MR1: variants seen among roughly 807,000 people sequenced by gnomAD.
The protein encoded by MR1 is major histocompatibility complex class I-related protein 1.
In MR1, 44 loss-of-function variants were observed where a neutral mutation model predicts 37.8. The observed-to-expected ratio is 1.16, with a 90% confidence interval of 0.91 to 1.50. MR1 has a LOEUF of 1.50. Ranked by LOEUF, MR1 falls within the 40% of genes most tolerant of loss-of-function variation. The pLI is 0.00. For missense variants in MR1, 386 were observed against 419.1 expected (o/e 0.92, Z 0.69); for synonymous variants, 153 against 155.8 (o/e 0.98, Z 0.13).
chr1:181,046,688 G>A (rs1245871348), intron 1 of MR1, among the ~76,000 whole-genome samples: 1 of 152,102 alleles, frequency 6.6e-6, no homozygotes, highest in Non-Finnish European at 1.5e-5. Context: ...CCACACTGTG[G>A]AAGCTTTGTT....
In MR1 at chr1:181,050,112, T is replaced by C. The variant is rs1658217061; in HGVS notation, c.430T>C (p.Phe144Leu). 2 of 1,614,086 alleles carry C rather than the reference T, an allele frequency of 1.2e-6. No homozygotes were observed. Among genetic ancestry groups the C allele is most frequent in the South Asian group, 2.2e-5 (2 of 91,092 alleles). The change falls in exon 3 of 6, where the codon TTC becomes CTC. Residue 144 changes from phenylalanine (F) to leucine (L), a missense_variant. Physicochemically the swap from Phe to Leu is conservative, Grantham distance 22 (BLOSUM62 0). Coordinates refer to ENST00000367580, the MANE Select transcript of MR1 (RefSeq NM_001385161.1). ...ATATGACGGGCAGGATTTCCTGATC[T>C]TCAATAAAGACACCCTCTCCTGGCT... ...YAYDGQDFLI[F>L]NKDTLSWLAV...
At chr1:181,053,092 AAAAC>A (rs1038085077) in intron 4 of MR1, among the ~76,000 whole-genome samples, 40 of 151,092 alleles carry the variant, frequency 2.6e-4, no homozygotes, top group African/African-American at 9.3e-4. Context: ...AAAAAACAAA[AAAAC>A]ACAACCCAGG....
At chr1:181,046,550 C>T (rs555485423) in intron 1 of MR1, among the ~76,000 whole-genome samples, 7 of 152,066 alleles carry the variant, frequency 4.6e-5, no homozygotes, top group African/African-American at 1.7e-4. Flanking sequence ...GGATGGTAAA[C>T]GCACCAATCA....
At chr1:181,054,508 TACAA>T (rs1490590858) in intron 5 of MR1, among the ~76,000 whole-genome samples, 2 of 152,206 alleles carry the variant, frequency 1.3e-5, no homozygotes, top group Non-Finnish European at 2.9e-5. Flanking sequence ...GTGATAACTG[TACAA>T]AAGCATGTTG....
intron 4 of MR1, 63 bp from the exon 5 acceptor site, chr1:181,053,510 C>A: frequency 7.7e-7 from 1 of 1,305,726 alleles, no homozygotes; most frequent in South Asian, 1.2e-5. Flanking sequence ...GACAAAAGTC[C>A]CAGAAAGTTA....
intron 5 of MR1, among the ~76,000 whole-genome samples, chr1:181,054,190 G>A (rs556741527): frequency 6.6e-6 from 1 of 152,326 alleles, no homozygotes; most frequent in Non-Finnish European, 1.5e-5. Flanking sequence ...GAAAAGGGGA[G>A]GAGAAGTAGG....
At chr1:181,036,006 T>C (rs1362298391) in intron 1 of MR1, among the ~76,000 whole-genome samples, 1 of 152,084 alleles carries the variant, frequency 6.6e-6, no homozygotes, top group East Asian at 1.9e-4. Context: ...CTAGACTCTC[T>C]TGCAAGCTGA....
intron 1 of MR1, among the ~76,000 whole-genome samples, chr1:181,044,552 C>T (rs1026612885): frequency 6.6e-5 from 10 of 152,266 alleles, no homozygotes; most frequent in South Asian, 2.1e-4. Context: ...TCCCACAGAG[C>T]GAGGAGTGCG....
chr1:181,038,455 C>T (rs1431839040), intron 1 of MR1, among the ~76,000 whole-genome samples: 2 of 152,206 alleles, frequency 1.3e-5, no homozygotes, highest in Non-Finnish European at 2.9e-5. Flanking sequence ...TCATTTTGAC[C>T]TTATTAAGGC....
In MR1 at chr1:181,052,301, C is replaced by T; in HGVS notation, c.671C>T (p.Ala224Val). 5.0e-6 allele frequency: 8 copies of T among 1,614,214 alleles called. No homozygotes were observed. The highest frequency in any genetic ancestry group is 6.8e-6 in the Non-Finnish European group (8 of 1,180,034). ...GGGGTTACAGCTCTCTTCTGCAAAG[C>T]TCATGGCTTTTACCCCCCAGAAATT... ...FPGVTALFCK[A>V]HGFYPPEIYM... The change falls in exon 4 of 6, where the codon GCT (alanine) becomes GTT (valine). Residue 224 changes from alanine (A) to valine (V), a missense_variant. Ala to Val is a moderately conservative substitution (Grantham distance 64, BLOSUM62 0). Transcript: ENST00000367580.
intron 1 of MR1, among the ~76,000 whole-genome samples, chr1:181,036,722 T>C (rs1426631338): frequency 6.6e-6 from 1 of 152,254 alleles, no homozygotes; most frequent in Non-Finnish European, 1.5e-5. Flanking sequence ...AATCTTCTCT[T>C]TGAGGCTCTC....
Position 181,057,478 on chromosome 1 carries a change from C to T in MR1, c.*2213C>T, listed in dbSNP as rs1408048958. ...TACATAGACACAGGTGATAATGTATCTATGTAAATGCCTTTTGATTCTGCA... is the reference window on the plus strand; with the variant it reads ...TACATAGACACAGGTGATAATGTATTTATGTAAATGCCTTTTGATTCTGCA... On this transcript the variant is annotated 3_prime_UTR_variant, in exon 6 of 6. Transcript: ENST00000367580. 1 of 152,116 alleles carries T rather than the reference C, an allele frequency of 6.6e-6. No individual in the cohort carries two copies. The highest frequency in any genetic ancestry group is 1.5e-5 in the Non-Finnish European group (1 of 68,028). 9.4% of individuals were successfully genotyped at this position (152,116 alleles called of 1,614,324 possible). A position where few individuals can be genotyped will look rare whatever the true frequency, so the allele number is the denominator to read the frequency against.
chr1:181,035,936 A>G (rs1260926716), intron 1 of MR1, among the ~76,000 whole-genome samples: 2 of 152,162 alleles, frequency 1.3e-5, no homozygotes, highest in African/African-American at 4.8e-5. Context: ...CTGACTCCTT[A>G]GAGTGCATCC....
At chr1:181,043,941 AT>A (rs5779078) in intron 1 of MR1, among the ~76,000 whole-genome samples, 39,378 of 128,072 alleles carry the variant, frequency 0.31, 6,540 homozygotes, top group African/African-American at 0.48. Flanking sequence ...TTGTGAGCTG[AT>A]TTTTTTTTTT....
At position 181,049,996 on chromosome 1, in the gene MR1, C is replaced by G. The variant is rs1658204988; in HGVS notation, c.329-15C>G. 15 of 1,609,130 alleles carry G rather than the reference C, an allele frequency of 9.3e-6. No individual in the cohort carries two copies. The Admixed American group carries it at 1.0e-4, about 11-fold the overall frequency. On this transcript the variant is annotated splice_polypyrimidine_tract_variant and intron_variant, in intron 2 of 5. Coordinates refer to ENST00000367580, the MANE Select transcript of MR1 (RefSeq NM_001385161.1). ...TCTCTGTGTGGACCCCTCTGGGCTT[C>G]TGTGTGTGTTCCAGGGTCTCACACT...
At chr1:181,049,584 T>A (rs1485474193) in intron 2 of MR1, 10 of 542,506 alleles carry the variant, frequency 1.8e-5, no homozygotes, top group Non-Finnish European at 3.3e-5. Flanking sequence ...AGGCTTCTGA[T>A]ATGCATCTCC....
intron 1 of MR1, among the ~76,000 whole-genome samples, chr1:181,047,516 T>A (rs749624689): frequency 2.8e-4 from 43 of 152,124 alleles, no homozygotes; most frequent in Non-Finnish European, 1.3e-4. Flanking sequence ...GGAGAATCAC[T>A]TGAACCCAGG....
rs1658836480 is a variant in MR1, at chr1:181,060,177, T to C, written c.*4912T>C. On this transcript the variant is annotated 3_prime_UTR_variant, in exon 6 of 6. Coordinates refer to ENST00000367580, the MANE Select transcript of MR1 (RefSeq NM_001385161.1). ...TTGCCTTCTGGCTGCGTAACTCTAG[T>C]CTTCATTTGGTGTTCTCCCTGCATG... is the stretch of plus-strand genomic sequence containing the variant. The C allele has an allele frequency of 6.6e-6, 1 of 152,192 alleles. No homozygotes were observed. The allele number at this position is 152,192 out of a possible 1,614,324, so 9.4% of individuals were successfully genotyped here.
At chr1:181,051,034 T>C (rs775888222) in intron 3 of MR1, 1 of 152,154 alleles carries the variant, frequency 6.6e-6, no homozygotes, top group Non-Finnish European at 1.5e-5. Flanking sequence ...GCTCCTCTTA[T>C]ACCTTAAAGA....
Sources: gnomAD v4.1 joint callset for allele counts (sites outside exome capture counted in the v4.1 genomes callset) on GRCh38, gnomAD v4.1.1 for gene constraint, MANE v1.5 for transcripts, NCBI Gene and HGNC (gene_info 2026-07-23, HGNC 2026-07-21) for gene names.